RYR1: variants seen among roughly 807,000 people sequenced by gnomAD.
RYR1 encodes the protein central core disease of muscle.
A neutral mutation model predicts 583.5 loss-of-function variants in RYR1; 342 were observed. The ratio of observed to expected loss-of-function variants is 0.59; its 90% confidence interval spans 0.54 to 0.64. The LOEUF is 0.64. RYR1 is among the 30% of genes least tolerant of loss of function. The probability of loss-of-function intolerance (pLI) is 0.00; values close to 1 mark genes in which losing one functional copy is unlikely to be tolerated. For missense variants in RYR1, 6,032 were observed against 6,917.2 expected (o/e 0.87, Z 4.54); for synonymous variants, 2,791 against 2,822.5 (o/e 0.99, Z 0.35).
At chr19:38,519,016 T>C (rs1439612290) in intron 66 of RYR1, among the ~76,000 whole-genome samples, 198 bp from the exon 67 acceptor site, 8 of 151,502 alleles carry the variant, frequency 5.3e-5, no homozygotes, top group African/African-American at 1.9e-4. Flanking sequence ...GGTCACAGGA[T>C]AGGGACTGGG....
At chr19:38,577,864 G>A (rs201527360) in intron 97 of RYR1, 54 bp from the exon 98 acceptor site, 34 of 1,609,448 alleles carry the variant, frequency 2.1e-5, no homozygotes, top group African/African-American at 4.0e-5. Flanking sequence ...TGCAGGCCAC[G>A]ACACACACCC....
At chr19:38,508,338 T>C (rs1313821555) in intron 58 of RYR1, among the ~76,000 whole-genome samples, 2 of 152,068 alleles carry the variant, frequency 1.3e-5, no homozygotes, top group African/African-American at 2.4e-5. Context: ...GCCTCCTGAG[T>C]AGCTGGGACC....
chr19:38,503,648 C>G (rs1019252197), intron 49 of RYR1, among the ~76,000 whole-genome samples: 1 of 152,074 alleles, frequency 6.6e-6, no homozygotes, highest in Admixed American at 6.6e-5. Flanking sequence ...TGGAGCACGC[C>G]TGTAATCCCA....
At chr19:38,458,621 T>TA (rs1967557368) in intron 18 of RYR1, among the ~76,000 whole-genome samples, 4 of 151,694 alleles carry the variant, frequency 2.6e-5, no homozygotes, top group Admixed American at 6.6e-5. Context: ...TTTGTTTGTT[T>TA]GTTTGTTTGT....
chr19:38,493,515 CGTTTTTT>C (rs964538966), intron 38 of RYR1, among the ~76,000 whole-genome samples: 3 of 143,060 alleles, frequency 2.1e-5, no homozygotes, highest in African/African-American at 5.2e-5. Context: ...TTTTCTTTTT[CGTTTTTT>C]TTTTTTTTTT....
intron 87 of RYR1, among the ~76,000 whole-genome samples, chr19:38,544,569 A>G (rs1197235801): frequency 2.0e-5 from 3 of 152,170 alleles, no homozygotes; most frequent in Non-Finnish European, 4.4e-5. Context: ...GATGGCAGTA[A>G]AGCATCCAGC....
chr19:38,509,430 G>GTAT lies in RYR1; in HGVS notation c.8933-1048_8933-1046dup, dbSNP rs995552797. 1.1e-3 allele frequency among the ~76,000 whole-genome samples: 152 copies of GTAT among 139,990 alleles called. 1 individual carries two copies. The highest frequency in any genetic ancestry group is 2.9e-3 in the East Asian group (14 of 4,834). 91.8% of individuals were successfully genotyped at this position (139,990 alleles called of 152,430 possible). A position where few individuals can be genotyped will look rare whatever the true frequency, so the allele number is the denominator to read the frequency against. On this transcript the variant is annotated intron_variant, in intron 58 of 105. Transcript: ENST00000359596. ...AGCAAGTGTTTAATAATTGGAGCCA[G>GTAT]TATTATTATTATTATTATTATTTTT...
chr19:38,440,650 C>A (rs1972627750), intron 1 of RYR1, 95 bp from the exon 2 acceptor site: 2 of 1,466,006 alleles, frequency 1.4e-6, no homozygotes, highest in Non-Finnish European at 1.9e-6. Context: ...CTGTCTTTTT[C>A]ATAAGGACCA....
At chr19:38,572,878 G>C (rs1599650579) in intron 95 of RYR1, among the ~76,000 whole-genome samples, 1 of 130,508 alleles carries the variant, frequency 7.7e-6, no homozygotes, top group African/African-American at 3.0e-5. Flanking sequence ...CCCAATTCCA[G>C]CCCTGACTCT....
intron 101 of RYR1, 89 bp from the exon 102 acceptor site, chr19:38,584,854 C>G: frequency 1.3e-6 from 2 of 1,518,566 alleles, no homozygotes; most frequent in Non-Finnish European, 1.8e-6. Flanking sequence ...CAGTCGTTAC[C>G]ATGTCTTCAG....
Position 38,528,631 on chromosome 19 carries a change from A to G in RYR1, c.10970A>G (p.Tyr3657Cys), listed in dbSNP as rs748470645. The G allele has an allele frequency of 9.9e-6, 16 of 1,614,096 alleles. No homozygotes were observed. The Admixed American group carries it at 1.0e-4, about 10-fold the overall frequency. ...HRACNMFLESYKAAWILTEDH... is the reference protein window; with the variant it reads ...HRACNMFLESCKAAWILTEDH... The stretch of plus-strand genomic sequence containing the variant: ...GCATGTAACATGTTCCTGGAGAGCT[A>G]CAAGGCTGCATGGATCCTGACTGAA... The change falls in exon 75 of 106, where the codon TAC (tyrosine) becomes TGC (cysteine). Residue 3657 changes from tyrosine to cysteine, a missense_variant. Tyr to Cys is a radical substitution (Grantham distance 194). Around this residue, in one of 11 missense-constraint regions of RYR1, gnomAD observed 1,493 missense variants for 1,715.5 expected, o/e 0.87. Transcript: ENST00000359596.
At chr19:38,502,802 G>GGCAGGGGTAGGGGGAGGA in intron 48 of RYR1, 75 bp downstream of exon 48, 1 of 1,039,144 alleles carries the variant, frequency 9.6e-7, no homozygotes. Context: ...CAGGGGCAGG[G>GGCAGGGGTAGGGGGAGGA]GCAGGGGGAG....
At chr19:38,495,952 G>T (rs546750015) in intron 39 of RYR1, among the ~76,000 whole-genome samples, 1 of 151,860 alleles carries the variant, frequency 6.6e-6, no homozygotes, top group African/African-American at 2.4e-5. Flanking sequence ...TAGTAGAAAT[G>T]GGGTTTCACC....
At chr19:38,562,417 C>A (rs1239285155) in intron 90 of RYR1, among the ~76,000 whole-genome samples, 2 of 151,940 alleles carry the variant, frequency 1.3e-5, no homozygotes, top group Admixed American at 6.6e-5. Flanking sequence ...GACACACCCT[C>A]ACCTCATTCT....
At position 38,505,099 on chromosome 19, in the gene RYR1, C is replaced by T. The variant is rs375895499; in HGVS notation, c.8310+18C>T. On this transcript the variant is annotated intron_variant, in intron 52 of 105. Coordinates refer to ENST00000359596, the MANE Select transcript of RYR1 (RefSeq NM_000540.3). The stretch of plus-strand genomic sequence containing the variant: ...TCGACAAGGTTGGCCTCAGGGTCCT[C>T]CTATCCAAGAAACCCTCAAGACCCC... The T allele has an allele frequency of 2.2e-5, 35 of 1,611,398 alleles. No individual in the cohort carries two copies. The highest frequency in any genetic ancestry group is 2.9e-5 in the Non-Finnish European group (34 of 1,177,636).
chr19:38,460,288 C>A, intron 19 of RYR1, 87 bp from the exon 20 acceptor site: 1 of 1,248,670 alleles, frequency 8.0e-7, no homozygotes, highest in Non-Finnish European at 1.2e-6. Context: ...TTCCATTGAT[C>A]CCAGGACTGC....
chr19:38,471,832 G>A (rs1295254518), intron 27 of RYR1, among the ~76,000 whole-genome samples: 1 of 144,680 alleles, frequency 6.9e-6, no homozygotes, highest in Non-Finnish European at 1.5e-5. Flanking sequence ...AACCCAGGAG[G>A]CAAAAGTTGC....
rs781435737 is a variant in RYR1, at chr19:38,483,150, G to T, written c.4707+37G>T. The T allele has an allele frequency of 6.8e-6, 11 of 1,607,296 alleles. No individual in the cohort carries two copies. The highest frequency in any genetic ancestry group is 6.8e-6 in the Non-Finnish European group (8 of 1,173,836). ...GTGATGGGGGCACTAATGGGGCCAGGCTGAGGCAGGAGATGTGGGGAGGCC... is the reference window on the plus strand; with the variant it reads ...GTGATGGGGGCACTAATGGGGCCAGTCTGAGGCAGGAGATGTGGGGAGGCC... On this transcript the variant is annotated intron_variant, in intron 32 of 105. Transcript: ENST00000359596. The surrounding 1 kb of genome is among the most constrained non-coding windows in gnomAD (Gnocchi z 6.3).
intron 89 of RYR1, among the ~76,000 whole-genome samples, chr19:38,554,005 A>G (rs1306788904): frequency 6.6e-6 from 1 of 152,146 alleles, no homozygotes; most frequent in Non-Finnish European, 1.5e-5. Flanking sequence ...ATGTTTTGCT[A>G]TACAACCCAT....
Sources: allele counts gnomAD v4.1 joint callset (sites outside exome capture counted in the v4.1 genomes callset), GRCh38; gene constraint gnomAD v4.1.1; regional missense constraint gnomAD v4.1.1; non-coding constraint Gnocchi (gnomAD v3.1); transcripts MANE v1.5; gene names NCBI Gene and HGNC (gene_info 2026-07-23, HGNC 2026-07-21).